The following USH2A variants were observed in gnomAD, a reference collection of about 807,000 sequenced individuals.
USH2A encodes the protein usherin, also known as Usher syndrome 2A (autosomal recessive, mild).
In USH2A, 443 loss-of-function variants were observed where a neutral mutation model predicts 538.9. The observed-to-expected ratio is 0.82, with a 90% CI of 0.76 to 0.89. The LOEUF is 0.89. USH2A is among the 40% of genes least tolerant of loss of function. The pLI is 0.00. For missense variants in USH2A, 6,633 were observed against 6,324.8 expected, an observed-to-expected ratio of 1.05 and a Z score of -1.65; for synonymous variants, 2,413 against 2,273.5, an observed-to-expected ratio of 1.06 and a Z score of -1.75.
At chr1:215,695,382 A>C (rs1215478635) in intron 61 of USH2A, among the ~76,000 whole-genome samples, 2 of 152,216 alleles carry the variant, frequency 1.3e-5, no homozygotes, top group Non-Finnish European at 2.9e-5. Flanking sequence ...GTTTTGAAGC[A>C]TGAGATATGA....
intron 21 of USH2A, among the ~76,000 whole-genome samples, chr1:216,157,823 A>G (rs796382575): frequency 6.6e-5 from 10 of 152,286 alleles, no homozygotes; most frequent in African/African-American, 2.4e-4. Context: ...GGGGACTGTA[A>G]TTGGAAAAAC....
At position 216,349,120 on chromosome 1, in the gene USH2A, C is replaced by T. The variant is rs547703360; in HGVS notation, c.784+15833G>A. ...TTAAATTAAATACTTATTAATCTTC[C>T]AGGTATCAACTTTTGTCAGAACTCA... On this transcript the variant is annotated intron_variant, in intron 4 of 71. Transcript: ENST00000307340. Among the ~76,000 whole-genome samples the T allele has an allele frequency of 2.0e-3, 304 of 152,164 alleles. 1 individual carries two copies. The highest frequency in any genetic ancestry group is 1.0e-3 in the Non-Finnish European group (71 of 68,002).
At chr1:216,266,396 A>T (rs996690836) in intron 11 of USH2A, among the ~76,000 whole-genome samples, 13 of 152,144 alleles carry the variant, frequency 8.5e-5, no homozygotes, top group Non-Finnish European at 1.9e-4. Context: ...TAAACTAAAA[A>T]GCTAAGAATG....
chr1:216,228,221 G>A (rs1428475336), intron 14 of USH2A, among the ~76,000 whole-genome samples: 1 of 152,150 alleles, frequency 6.6e-6, no homozygotes, highest in Admixed American at 6.5e-5. Flanking sequence ...AATCCAGGGT[G>A]TAGCCATGGA....
At chr1:215,833,025 CTGGATT>C (rs1558118339) in intron 47 of USH2A, among the ~76,000 whole-genome samples, 1 of 151,866 alleles carries the variant, frequency 6.6e-6, no homozygotes, top group Non-Finnish European at 1.5e-5. Flanking sequence ...TATTTGCATA[CTGGATT>C]ATATAAAACA....
At chr1:216,160,575 C>T (rs771085932) in intron 21 of USH2A, among the ~76,000 whole-genome samples, 3 of 150,874 alleles carry the variant, frequency 2.0e-5, no homozygotes, top group East Asian at 2.0e-4. Context: ...GGTTCAAGAC[C>T]AGCCTGAGCA....
chr1:215,709,623 A>G (rs1301153795), intron 61 of USH2A, among the ~76,000 whole-genome samples: 1 of 147,612 alleles, frequency 6.8e-6, no homozygotes, highest in Non-Finnish European at 1.5e-5. Context: ...TTTTTGGAAG[A>G]TAGATGCTTG....
At chr1:216,156,630 T>G (rs889628640) in intron 21 of USH2A, among the ~76,000 whole-genome samples, 6 of 152,160 alleles carry the variant, frequency 3.9e-5, no homozygotes, top group Admixed American at 6.5e-5. Context: ...ATCTACTGAT[T>G]TCTGTCACCA....
At chr1:215,675,753 T>C (rs1658003220) in intron 62 of USH2A, 137 bp from the exon 63 acceptor site, 2 of 1,512,144 alleles carry the variant, frequency 1.3e-6, no homozygotes, top group East Asian at 2.4e-5. Flanking sequence ...CTGATATTAA[T>C]TGGGGATATG....
At chr1:215,771,523 T>G (rs916267289) in intron 55 of USH2A, among the ~76,000 whole-genome samples, 2 of 122,978 alleles carry the variant, frequency 1.6e-5, no homozygotes, top group African/African-American at 6.3e-5. Flanking sequence ...GAGCTTGCAG[T>G]GAGCCGAGAT....
rs1660876650 is a variant in USH2A at position 215,758,443 on chromosome 1, T to TGCGTCTA, written c.11389+151_11389+152insTAGACGC. 5.6e-6 allele frequency: 5 copies of TGCGTCTA among 891,074 alleles called. No individual in the cohort carries two copies. The African/African-American group carries it at 8.5e-5, about 15-fold the overall frequency. The allele number at this position is 891,074 out of a possible 1,614,324, so 55.2% of individuals were successfully genotyped here. A position where few individuals can be genotyped will look rare whatever the true frequency, so the allele number is the denominator to read the frequency against. On this transcript the variant is annotated intron_variant, in intron 58 of 71. Coordinates refer to ENST00000307340, the MANE Select transcript of USH2A (RefSeq NM_206933.4). ...TGTATGTACTCATGCGTCTATACAC[T>TGCGTCTA]TAGAAGTGTGGTTTAGATTTTTCTG...
At chr1:216,011,703 T>C (rs139314941) in intron 32 of USH2A, among the ~76,000 whole-genome samples, 4,128 of 152,064 alleles carry the variant, frequency 0.027, 182 homozygotes, top group African/African-American at 0.092. Context: ...ATGCTCAACT[T>C]ACTCTCTACA....
chr1:216,139,049 C>T (rs1245454591), intron 21 of USH2A, among the ~76,000 whole-genome samples: 1 of 151,980 alleles, frequency 6.6e-6, no homozygotes, highest in Non-Finnish European at 1.5e-5. Flanking sequence ...GTCAGTGACA[C>T]CATTCCTGTT....
rs376515065 is a variant in USH2A at position 216,050,571 on chromosome 1, T to TC, written c.6050-1925dup. Among the ~76,000 whole-genome samples, 151 of 44,478 alleles carry TC rather than the reference T, an allele frequency of 3.4e-3. 22 individuals carry two copies. Among genetic ancestry groups the TC allele is most frequent in the East Asian group, 8.8e-3 (13 of 1,470 alleles). 29.2% of individuals were successfully genotyped at this position (44,478 alleles called of 152,430 possible). ...GACAATTTGTATCTTTTTCTTTCTT[T>TC]CTTTCTTTCTTTCTTTCTTTCTTTC... On this transcript the variant is annotated intron_variant, in intron 30 of 71. Transcript: ENST00000307340.
chr1:216,390,154 C>G (rs7518771), intron 3 of USH2A, among the ~76,000 whole-genome samples: 87,434 of 151,986 alleles, frequency 0.58, 26,571 homozygotes, highest in East Asian at 0.8. Context: ...ATCTTAAAAC[C>G]ATAGATTCTA....
chr1:216,107,588 GTGT>G (rs909335349), intron 21 of USH2A, among the ~76,000 whole-genome samples: 3 of 150,392 alleles, frequency 2.0e-5, no homozygotes, highest in African/African-American at 7.3e-5. Context: ...TTTGATTGTT[GTGT>G]TATGTGCATT....
chr1:216,094,686 C>T (rs542285540), intron 22 of USH2A, among the ~76,000 whole-genome samples: 255 of 152,178 alleles, frequency 1.7e-3, no homozygotes, highest in Middle Eastern at 6.8e-3. Context: ...CAACCTGGTG[C>T]AGAGATGGAT....
Position 216,079,274 on chromosome 1 carries a change from C to A in USH2A, c.5299-912G>T, listed in dbSNP as rs555070068. On this transcript the variant is annotated intron_variant, in intron 26 of 71. Transcript: ENST00000307340. ...TCTCTTACAATGTGCCATATACCTG[C>A]TGCTCTAAGGTAAACACTGCTCCTA... The A allele has an allele frequency of 3.3e-5, 5 of 152,250 alleles. No homozygotes were observed. In the East Asian group the frequency reaches 9.6e-4, roughly 29 times the overall value. 9.4% of individuals were successfully genotyped at this position (152,250 alleles called of 1,614,324 possible).
intron 27 of USH2A, among the ~76,000 whole-genome samples, chr1:216,076,194 A>T (rs1226771210): frequency 6.6e-6 from 1 of 152,148 alleles, no homozygotes; most frequent in African/African-American, 2.4e-5. Flanking sequence ...ATGTATCTTG[A>T]ATAGTAAAAA....
Sources: gnomAD v4.1 joint callset for allele counts (sites outside exome capture counted in the v4.1 genomes callset) on GRCh38, gnomAD v4.1.1 for gene constraint, MANE v1.5 for transcripts, NCBI Gene and HGNC (gene_info 2026-07-23, HGNC 2026-07-21) for gene names.